CNTNAP2: variants seen among roughly 807,000 people sequenced by gnomAD.
The protein encoded by CNTNAP2 is contactin-associated protein-like 2.
CNTNAP2 carries 98 observed loss-of-function variants against 155.2 expected under a neutral mutation model. That is an observed-to-expected ratio of 0.63 (90% confidence interval 0.54 to 0.75). The LOEUF (loss-of-function observed/expected upper bound fraction) is 0.75. CNTNAP2 is among the 30% of genes least tolerant of loss of function. CNTNAP2 has a pLI of 0.00. For synonymous variants in CNTNAP2, 651 were observed against 631.2 expected (o/e 1.03, Z -0.47); for missense variants, 1,727 against 1,688.1 (o/e 1.02, Z -0.40).
Position 147,743,662 on chromosome 7 carries a change from A to G in CNTNAP2, c.2098+104356A>G, listed in dbSNP as rs1422585574. On this transcript the variant is annotated intron_variant, in intron 13 of 23. Transcript: ENST00000361727. The stretch of plus-strand genomic sequence containing the variant: ...ATCTTCTCCCACTTAGTTGAGTGCC[A>G]TTTTCTCCTTCCTGACCTCTCATAT... Among the ~76,000 whole-genome samples, 13 of 146,790 alleles carry G rather than the reference A, an allele frequency of 8.9e-5. No homozygotes were observed. In the Admixed American group the frequency reaches 9.1e-4, roughly 10 times the overall value.
At chr7:148,190,511 G>A (rs1403354349) in intron 18 of CNTNAP2, 1 of 152,148 alleles carries the variant, frequency 6.6e-6, no homozygotes, top group Non-Finnish European at 1.5e-5. Context: ...TAAATCCTTT[G>A]TATTAGTCTA....
At chr7:147,642,602 A>C (rs10276097) in intron 13 of CNTNAP2, among the ~76,000 whole-genome samples, 6,135 of 152,204 alleles carry the variant, frequency 0.04, 386 homozygotes, top group Admixed American at 0.15. Flanking sequence ...GCACTCTGTT[A>C]GTTGCATTTC....
intron 15 of CNTNAP2, among the ~76,000 whole-genome samples, chr7:148,097,756 C>A (rs1016665144): frequency 6.6e-6 from 1 of 152,202 alleles, no homozygotes; most frequent in Admixed American, 6.5e-5. Flanking sequence ...GCATAACCCA[C>A]AGCTCTCAAA....
chr7:146,381,543 A>T (rs78737973), intron 1 of CNTNAP2, among the ~76,000 whole-genome samples: 2,848 of 152,230 alleles, frequency 0.019, 53 homozygotes, highest in Non-Finnish European at 0.028. Context: ...TTTTATGGGG[A>T]ACTAAATGAG....
chr7:148,280,877 C>T (rs1796963338), intron 21 of CNTNAP2, among the ~76,000 whole-genome samples: 1 of 151,824 alleles, frequency 6.6e-6, no homozygotes, highest in African/African-American at 2.4e-5. Context: ...AGAGATCACA[C>T]CACTGGACTC....
chr7:147,314,430 C>A (rs1196756450), intron 9 of CNTNAP2, among the ~76,000 whole-genome samples: 1 of 151,626 alleles, frequency 6.6e-6, no homozygotes, highest in African/African-American at 2.4e-5. Context: ...ACAATTAGTG[C>A]CAAAGTTACT....
At chr7:148,240,614 G>C (rs183186718) in intron 20 of CNTNAP2, among the ~76,000 whole-genome samples, 165 of 152,250 alleles carry the variant, frequency 1.1e-3, no homozygotes, top group African/African-American at 3.7e-3. Flanking sequence ...TAGCAGGACA[G>C]AACTAATAGG....
At chr7:147,340,199 C>T (rs747864795) in intron 9 of CNTNAP2, among the ~76,000 whole-genome samples, 9 of 152,128 alleles carry the variant, frequency 5.9e-5, no homozygotes, top group Non-Finnish European at 1.3e-4. Flanking sequence ...CATGTATACC[C>T]TGTCAAAGGG....
chr7:146,430,526 C>T (rs187695018), intron 1 of CNTNAP2, among the ~76,000 whole-genome samples: 1 of 152,114 alleles, frequency 6.6e-6, no homozygotes, highest in East Asian at 1.9e-4. Flanking sequence ...ACATTCTCTT[C>T]ATTTTATGGA....
intron 1 of CNTNAP2, among the ~76,000 whole-genome samples, chr7:146,552,832 C>A (rs1798142443): frequency 6.6e-6 from 1 of 152,048 alleles, no homozygotes; most frequent in Non-Finnish European, 1.5e-5. Flanking sequence ...GCAATGCACT[C>A]AGCCTGAAAA....
chr7:147,023,718 G>T (rs964731490), intron 3 of CNTNAP2, among the ~76,000 whole-genome samples: 1 of 152,160 alleles, frequency 6.6e-6, no homozygotes, highest in Admixed American at 6.5e-5. Flanking sequence ...ATGACTTCTA[G>T]GCATCTGCCC....
chr7:147,511,369 A>C (rs1562973229), intron 11 of CNTNAP2, among the ~76,000 whole-genome samples: 1 of 151,946 alleles, frequency 6.6e-6, no homozygotes, highest in East Asian at 1.9e-4. Flanking sequence ...TGATTCCACT[A>C]TTTAATTCTT....
chr7:148,296,210 T>C (rs1797281926), intron 21 of CNTNAP2, among the ~76,000 whole-genome samples: 2 of 152,068 alleles, frequency 1.3e-5, no homozygotes, highest in Admixed American at 1.3e-4. Context: ...ATCTTGTTCA[T>C]GTCAAAAAGG....
intron 1 of CNTNAP2, among the ~76,000 whole-genome samples, chr7:146,753,996 G>T (rs1367437193): frequency 1.3e-5 from 2 of 151,876 alleles, no homozygotes; most frequent in East Asian, 3.9e-4. Context: ...TTATTCTTTT[G>T]TGGACATGTA....
At chr7:147,154,997 A>C (rs1030606429) in intron 8 of CNTNAP2, among the ~76,000 whole-genome samples, 2 of 152,200 alleles carry the variant, frequency 1.3e-5, no homozygotes, top group Admixed American at 6.5e-5. Context: ...AGACATCGGC[A>C]GACTGAAAAG....
chr7:147,762,592 T>C (rs536643216), intron 13 of CNTNAP2, among the ~76,000 whole-genome samples: 29 of 151,898 alleles, frequency 1.9e-4, no homozygotes, highest in African/African-American at 4.8e-4. Flanking sequence ...TTCCAGGCAA[T>C]TAATTAACTG....
intron 3 of CNTNAP2, among the ~76,000 whole-genome samples, chr7:146,841,535 A>G (rs1370097277): frequency 6.6e-6 from 1 of 152,044 alleles, no homozygotes; most frequent in Non-Finnish European, 1.5e-5. Flanking sequence ...TCAAATGAGC[A>G]TGTTGGTAAA....
chr7:147,312,428 C>T (rs1405103167), intron 9 of CNTNAP2, among the ~76,000 whole-genome samples: 1 of 137,304 alleles, frequency 7.3e-6, no homozygotes, highest in Non-Finnish European at 1.5e-5. Context: ...GACCCCACAA[C>T]AGTCCCCAGA....
At chr7:147,472,980 A>C (rs1219630642) in intron 10 of CNTNAP2, among the ~76,000 whole-genome samples, 2 of 152,214 alleles carry the variant, frequency 1.3e-5, no homozygotes. Flanking sequence ...AGAGAAAGCT[A>C]AGGGCTGAGC....
Sources: allele counts gnomAD v4.1 joint callset (sites outside exome capture counted in the v4.1 genomes callset), GRCh38; gene constraint gnomAD v4.1.1; transcripts MANE v1.5; gene names NCBI Gene and HGNC (gene_info 2026-07-23, HGNC 2026-07-21).